SHANK2: variants seen among roughly 807,000 people sequenced by gnomAD.
SHANK2 encodes the protein SH3 and multiple ankyrin repeat domains 2, also known as SH3 and multiple ankyrin repeat domains protein 2.
A neutral mutation model predicts 133.7 loss-of-function variants in SHANK2; 43 were observed. The ratio of observed to expected loss-of-function variants is 0.32; its 90% CI spans 0.25 to 0.41. The LOEUF (loss-of-function observed/expected upper bound fraction) is 0.41, where lower values mean the gene tolerates loss of function less well. Among genes scored for constraint, SHANK2 ranks in the 10% least tolerant of loss-of-function variants. The pLI, the probability that SHANK2 is intolerant of heterozygous loss-of-function variation, is 1.00. For missense variants in SHANK2, 1,994 were observed against 2,235.8 expected, an observed-to-expected ratio of 0.89 and a Z score of 2.18; for synonymous variants, 1,017 against 952.8, an observed-to-expected ratio of 1.07 and a Z score of -1.24.
chr11:70,719,018 G>C (rs968384783), intron 14 of SHANK2, among the ~76,000 whole-genome samples: 6 of 152,300 alleles, frequency 3.9e-5, no homozygotes, highest in Admixed American at 2.6e-4. Flanking sequence ...ATTAAAGAAG[G>C]GTGCCTGGCA....
intron 13 of SHANK2, among the ~76,000 whole-genome samples, chr11:70,802,532 C>T (rs542019444): frequency 3.3e-5 from 5 of 152,316 alleles, no homozygotes; most frequent in Admixed American, 1.3e-4. Flanking sequence ...CTGTACCCAA[C>T]ATGCTGGTTT....
chr11:70,740,047 TCCG>T (rs1946487707), intron 14 of SHANK2, among the ~76,000 whole-genome samples: 1 of 151,732 alleles, frequency 6.6e-6, no homozygotes, highest in African/African-American at 2.4e-5. Context: ...TGTTAATGGC[TCCG>T]TCCACAGCAC....
At chr11:71,115,892 T>C (rs1951969724) in intron 4 of SHANK2, among the ~76,000 whole-genome samples, 1 of 152,194 alleles carries the variant, frequency 6.6e-6, no homozygotes, top group Non-Finnish European at 1.5e-5. Context: ...GACTTTTCTG[T>C]GCCAGAAAAG....
chr11:70,553,772 G>C (rs2059797916), intron 17 of SHANK2, among the ~76,000 whole-genome samples: 1 of 152,220 alleles, frequency 6.6e-6, no homozygotes, highest in Non-Finnish European at 1.5e-5. Flanking sequence ...GTGATGATCT[G>C]CGTGACATAG....
intron 2 of SHANK2, among the ~76,000 whole-genome samples, chr11:71,199,116 C>A (rs561388638): frequency 6.6e-6 from 1 of 152,352 alleles, no homozygotes; most frequent in African/African-American, 2.4e-5. Flanking sequence ...CAGAGACAGT[C>A]TCAGCAGTTA....
chr11:71,092,790 C>T (rs1951541133), intron 7 of SHANK2, among the ~76,000 whole-genome samples: 1 of 152,130 alleles, frequency 6.6e-6, no homozygotes, highest in South Asian at 2.1e-4. Flanking sequence ...CCTATGATCC[C>T]AGCATTTTGG....
chr11:70,502,131 G>A (rs1175593459), intron 19 of SHANK2, 75 bp downstream of exon 19: 23 of 1,482,550 alleles, frequency 1.6e-5, no homozygotes, highest in African/African-American at 7.0e-5. Context: ...GTCATGCACA[G>A]CCTGGTGCTT....
chr11:70,629,849 G>A (rs1331353886), intron 17 of SHANK2, among the ~76,000 whole-genome samples: 4 of 152,126 alleles, frequency 2.6e-5, no homozygotes, highest in Non-Finnish European at 4.4e-5. Context: ...CAGCAGATCC[G>A]GCCCCCTGAC....
chr11:70,770,996 TTCACTGCAACC>T (rs1432480894), intron 14 of SHANK2, among the ~76,000 whole-genome samples: 1 of 145,842 alleles, frequency 6.9e-6, no homozygotes, highest in African/African-American at 2.6e-5. Flanking sequence ...GCAATCTTGG[TTCACTGCAACC>T]TCCGCCTCCC....
chr11:70,660,039 G>A, intron 16 of SHANK2, 87 bp from the exon 17 acceptor site: 1 of 1,568,290 alleles, frequency 6.4e-7, no homozygotes, highest in Non-Finnish European at 8.7e-7. Flanking sequence ...ACCCCGGGAG[G>A]AAGTGGGCCC....
chr11:71,157,689 A>C (rs562670404), intron 2 of SHANK2, among the ~76,000 whole-genome samples: 9 of 152,194 alleles, frequency 5.9e-5, no homozygotes, highest in Non-Finnish European at 1.2e-4. Context: ...ACAGGTTTCC[A>C]TTTCAGTTTT....
intron 11 of SHANK2, among the ~76,000 whole-genome samples, chr11:70,822,039 C>T (rs938659508): frequency 6.6e-6 from 1 of 152,218 alleles, no homozygotes; most frequent in Non-Finnish European, 1.5e-5. Flanking sequence ...ACCCAGAGCT[C>T]CAGAGCCTAA....
intron 17 of SHANK2, among the ~76,000 whole-genome samples, chr11:70,592,731 AC>A (rs1356458808): frequency 3.9e-5 from 6 of 152,074 alleles, no homozygotes; most frequent in African/African-American, 1.4e-4. Flanking sequence ...CATCTAAGCA[AC>A]AGTGGCTGCG....
chr11:71,126,973 G>A (rs546050109), intron 3 of SHANK2, among the ~76,000 whole-genome samples: 1 of 152,168 alleles, frequency 6.6e-6, no homozygotes, highest in South Asian at 2.1e-4. Context: ...CCAAAATGCT[G>A]GGACTACAGG....
At chr11:70,639,497 C>T (rs1379818661) in intron 17 of SHANK2, among the ~76,000 whole-genome samples, 1 of 152,114 alleles carries the variant, frequency 6.6e-6, no homozygotes, top group Non-Finnish European at 1.5e-5. Flanking sequence ...CTCATCCCCT[C>T]CTGAAGGCCC....
chr11:70,671,831 C>T (rs551167700), intron 15 of SHANK2, among the ~76,000 whole-genome samples: 1 of 152,268 alleles, frequency 6.6e-6, no homozygotes, highest in South Asian at 2.1e-4. Context: ...GGCACGGACT[C>T]TGCGGTGCCA....
intron 14 of SHANK2, among the ~76,000 whole-genome samples, chr11:70,752,174 C>T (rs1201036087): frequency 2.0e-5 from 3 of 151,984 alleles, no homozygotes; most frequent in African/African-American, 4.8e-5. Flanking sequence ...GTTTTGAACT[C>T]CTGGCCTCAA....
At chr11:70,945,484 C>T (rs1356469430) in intron 10 of SHANK2, among the ~76,000 whole-genome samples, 2 of 152,218 alleles carry the variant, frequency 1.3e-5, no homozygotes, top group Admixed American at 1.3e-4. Context: ...CGACGGCTTC[C>T]AGCCCTTCCT....
intron 10 of SHANK2, chr11:70,948,399 T>C (rs1555085875): frequency 2.2e-6 from 1 of 456,876 alleles, no homozygotes; most frequent in East Asian, 6.9e-5. Context: ...CCATATGTAC[T>C]GGTGGAAATA....
Sources: gnomAD v4.1 joint callset for allele counts (sites outside exome capture counted in the v4.1 genomes callset) on GRCh38, gnomAD v4.1.1 for gene constraint, MANE v1.5 for transcripts, NCBI Gene and HGNC (gene_info 2026-07-23, HGNC 2026-07-21) for gene names.